ALG12: variants seen among roughly 807,000 people sequenced by gnomAD.
ALG12 encodes dol-P-Man:Man(7)GlcNAc(2)-PP-Dol alpha-1,6-mannosyltransferase.
ALG12 carries 36 observed loss-of-function variants against 46.0 expected under a neutral mutation model. The ratio of observed to expected loss-of-function variants is 0.78; its 90% CI spans 0.60 to 1.03. The LOEUF is 1.03. Among genes scored for constraint, ALG12 ranks in the 50% least tolerant of loss-of-function variants. ALG12 has a pLI of 0.00. For missense variants in ALG12, 599 were observed against 633.5 expected (o/e 0.95, Z 0.58); for synonymous variants, 326 against 291.6 (o/e 1.12, Z -1.20).
At chr22:49,859,722 T>A in the ALG12 span, among the ~76,000 whole-genome samples, 1 of 152,218 alleles carries the variant, frequency 6.6e-6, no homozygotes, top group Non-Finnish European at 1.5e-5. Flanking sequence ...TAATTTTAAT[T>A]TTCATTAAAA....
At chr22:49,884,172 T>G in the ALG12 span, 35 of 1,612,250 alleles carry the variant, frequency 2.2e-5, no homozygotes, top group South Asian at 3.8e-4. Flanking sequence ...CCGTGCTCAT[T>G]CAGGAAAATG....
chr22:49,882,339 C>T, the ALG12 span, among the ~76,000 whole-genome samples: 1 of 152,226 alleles, frequency 6.6e-6, no homozygotes, highest in African/African-American at 2.4e-5. Context: ...AGGGCTCACA[C>T]CTGGGAAGTC....
At chr22:49,910,211 G>A in intron 4 of ALG12, 123 bp from the exon 5 acceptor site, 1 of 1,281,268 alleles carries the variant, frequency 7.8e-7, no homozygotes, top group Non-Finnish European at 1.1e-6. Flanking sequence ...TCCCAGAAAA[G>A]AAACTGCTCA....
rs768823564 is a variant in ALG12 at position 49,903,848 on chromosome 22, C to CG, written c.1456dup (p.Arg486ProfsTer199). The CG allele has an allele frequency of 6.2e-7, 1 of 1,614,164 alleles. No homozygotes were observed. Among genetic ancestry groups the CG allele is most frequent in the African/African-American group, 1.3e-5 (1 of 75,076 alleles). On this transcript the variant is annotated frameshift_variant, in exon 10 of 10. Coordinates refer to ENST00000330817, the MANE Select transcript of ALG12 (RefSeq NM_024105.4). LOFTEE classifies it high-confidence loss of function. ...GCTGCCTGGTCCCCCTCAGGACGGC[C>CG]GGGGGAGCCTCTCCAGAAGCACCAG...
At chr22:49,879,272 G>A in the ALG12 span, among the ~76,000 whole-genome samples, 96,898 of 150,364 alleles carry the variant, frequency 0.64, 35,273 homozygotes, top group East Asian at 0.85. Flanking sequence ...TTACAGGCAC[G>A]CGCCACCACG....
At chr22:49,872,334 A>G in the ALG12 span, among the ~76,000 whole-genome samples, 2 of 152,144 alleles carry the variant, frequency 1.3e-5, no homozygotes, top group East Asian at 3.9e-4. Flanking sequence ...GTTTTATCCT[A>G]AGAGTACAGC....
rs1219091692 is a variant in ALG12, at chr22:49,907,722, G to A, written c.991C>T (p.Leu331=). ...GCATGTCACAAAAAGAGCACTCACA[G>A]GTAGGAGCAGCCTCTGGCAGCCGTG... The part of the protein sequence containing the change: ...NITAARGCSY[L]LNNYKKSWLY... Residue 331 remains leucine, a splice_region_variant and synonymous_variant, in exon 7 of 10, where the codon CTG becomes TTG. Coordinates refer to ENST00000330817, the MANE Select transcript of ALG12 (RefSeq NM_024105.4). 6.2e-7 allele frequency: 1 copy of A among 1,613,896 alleles called. No homozygotes were observed. The highest frequency in any genetic ancestry group is 2.2e-5 in the East Asian group (1 of 44,894).
chr22:49,864,649 T>C, the ALG12 span, among the ~76,000 whole-genome samples: 41 of 151,934 alleles, frequency 2.7e-4, no homozygotes, highest in Non-Finnish European at 4.6e-4. Flanking sequence ...AGACCCCCTC[T>C]CTACAAAAAA....
chr22:49,886,390 A>G, the ALG12 span: 1 of 1,609,130 alleles, frequency 6.2e-7, no homozygotes, highest in Non-Finnish European at 8.5e-7. This position sits in a 1 kb window ranked among gnomAD's most constrained non-coding sequence, Gnocchi z 7.7. Flanking sequence ...AAGGGCCATT[A>G]ACGAGATGTC....
the ALG12 span, chr22:49,885,323 C>T: frequency 1.9e-5 from 30 of 1,591,272 alleles, no homozygotes; most frequent in East Asian, 6.7e-4. Context: ...GTTATGTTTC[C>T]TGTTAATAGC....
chr22:49,872,082 C>G, the ALG12 span, among the ~76,000 whole-genome samples: 8 of 152,282 alleles, frequency 5.3e-5, no homozygotes, highest in African/African-American at 1.4e-4. Flanking sequence ...TTTGCTACAT[C>G]GATTAACTCT....
the ALG12 span, among the ~76,000 whole-genome samples, chr22:49,875,892 A>G: frequency 0.057 from 8,660 of 150,752 alleles, 301 homozygotes; most frequent in South Asian, 0.093. Flanking sequence ...GAAGCTTATC[A>G]ATTTTATTGC....
the ALG12 span, among the ~76,000 whole-genome samples, chr22:49,860,938 C>T: frequency 6.6e-6 from 1 of 151,612 alleles, no homozygotes; most frequent in African/African-American, 2.4e-5. Context: ...ACCACCACGC[C>T]CAGCTAATTT....
At chr22:49,883,390 A>G in the ALG12 span, 2 of 311,662 alleles carry the variant, frequency 6.4e-6, no homozygotes, top group Non-Finnish European at 1.2e-5. Context: ...TCCTGTCCTC[A>G]GGACCAGAAG....
chr22:49,891,802 G>C, the ALG12 span, among the ~76,000 whole-genome samples: 1 of 152,068 alleles, frequency 6.6e-6, no homozygotes, highest in Non-Finnish European at 1.5e-5. Context: ...GCATAGTTTT[G>C]TCATAATATG....
At chr22:49,884,455 G>T in the ALG12 span, 1 of 1,614,222 alleles carries the variant, frequency 6.2e-7, no homozygotes, top group Non-Finnish European at 8.5e-7. Flanking sequence ...CCATTACGAT[G>T]AACCTGCAGA....
intron 9 of ALG12, 26 bp from the exon 10 acceptor site, chr22:49,904,092 G>A (rs754568879): frequency 1.5e-5 from 25 of 1,613,852 alleles, no homozygotes; most frequent in Non-Finnish European, 2.1e-5. Flanking sequence ...TGGTGGTCCT[G>A]CCCAGGGCCC....
At chr22:49,904,666 G>T (rs1202822090) in intron 7 of ALG12, 160 bp from the exon 8 acceptor site, 2 of 783,280 alleles carry the variant, frequency 2.6e-6, no homozygotes, top group Non-Finnish European at 4.2e-6. Context: ...CGTAAAAGTG[G>T]TTAAGATACT....
chr22:49,861,771 T>G, the ALG12 span, among the ~76,000 whole-genome samples: 4 of 152,210 alleles, frequency 2.6e-5, no homozygotes, highest in Non-Finnish European at 5.9e-5. Flanking sequence ...AGCACATGTA[T>G]GAATGTGTGG....
Sources: allele counts gnomAD v4.1 joint callset (sites outside exome capture counted in the v4.1 genomes callset), GRCh38; gene constraint gnomAD v4.1.1; non-coding constraint Gnocchi (gnomAD v3.1); transcripts MANE v1.5; gene names NCBI Gene and HGNC (gene_info 2026-07-23, HGNC 2026-07-21).